Variants in PIK3C2G observed in about 807,000 individuals in gnomAD.
The protein encoded by PIK3C2G is phosphatidylinositol-4-phosphate 3-kinase catalytic subunit type 2 gamma, also known as phosphatidylinositol 3-kinase C2 domain-containing subunit gamma.
PIK3C2G carries 168 observed loss-of-function variants against 181.1 expected under a neutral mutation model. That is an observed-to-expected ratio of 0.93 (90% CI 0.82 to 1.05). The LOEUF is 1.05. PIK3C2G is among the 50% of genes least tolerant of loss of function. The pLI is 0.00. For synonymous variants in PIK3C2G, 573 were observed against 592.2 expected, an observed-to-expected ratio of 0.97 and a Z score of 0.47; for missense variants, 1,869 against 1,732.8, an observed-to-expected ratio of 1.08 and a Z score of -1.40.
chr12:18,570,749 G>A (rs1169228688), intron 29 of PIK3C2G, among the ~76,000 whole-genome samples: 1 of 150,444 alleles, frequency 6.6e-6, no homozygotes, highest in Non-Finnish European at 1.5e-5. Context: ...GTGTGGGTAT[G>A]AGTAGAGTGA....
At chr12:18,563,809 C>T (rs1473802058) in intron 28 of PIK3C2G, among the ~76,000 whole-genome samples, 1 of 151,756 alleles carries the variant, frequency 6.6e-6, no homozygotes, top group African/African-American at 2.4e-5. Context: ...TAATTTAATC[C>T]TCTTAGTTAT....
In PIK3C2G at chr12:18,406,821, T is replaced by C. The variant is rs182767139; in HGVS notation, c.2315+6974T>C. On this transcript the variant is annotated intron_variant, in intron 16 of 32. Transcript: ENST00000538779. ...TAAGTGTGGATACAGAAGAGAAAAA[T>C]GTGGAAATTTCAGTATTCCCTATCG... Among the ~76,000 whole-genome samples, 1,064 of 152,108 alleles carry C rather than the reference T, an allele frequency of 7.0e-3. 6 individuals are homozygous for C. The highest frequency in any genetic ancestry group is 0.019 in the African/African-American group (777 of 41,484).
At chr12:18,490,484 C>A (rs1940459192) in intron 19 of PIK3C2G, among the ~76,000 whole-genome samples, 1 of 152,090 alleles carries the variant, frequency 6.6e-6, no homozygotes, top group Non-Finnish European at 1.5e-5. Flanking sequence ...TACTCTAACA[C>A]TTTTTTTGTA....
chr12:18,603,917 C>T (rs542922011), intron 30 of PIK3C2G, among the ~76,000 whole-genome samples: 6 of 152,186 alleles, frequency 3.9e-5, no homozygotes, highest in Admixed American at 3.9e-4. Flanking sequence ...AAAAGAATCT[C>T]TTTAAAGCAT....
the PIK3C2G span, among the ~76,000 whole-genome samples, chr12:18,661,613 G>C: frequency 6.6e-6 from 1 of 152,088 alleles, no homozygotes; most frequent in Non-Finnish European, 1.5e-5. Context: ...TCTCACACCA[G>C]TCAGAATGGC....
At chr12:18,641,430 A>G (rs1458436409) in intron 32 of PIK3C2G, among the ~76,000 whole-genome samples, 2 of 152,134 alleles carry the variant, frequency 1.3e-5, no homozygotes, top group Non-Finnish European at 2.9e-5. Flanking sequence ...CAGCAGCACT[A>G]CTGACCACAG....
the PIK3C2G span, chr12:18,701,919 T>G: frequency 8.3e-7 from 1 of 1,208,614 alleles, no homozygotes; most frequent in Non-Finnish European, 1.1e-6. Context: ...CATACCCCTA[T>G]TCACATCTCA....
the PIK3C2G span, among the ~76,000 whole-genome samples, chr12:18,718,685 A>T: frequency 6.6e-6 from 1 of 152,150 alleles, no homozygotes; most frequent in Non-Finnish European, 1.5e-5. Context: ...ACCCTAAGTA[A>T]CACCCTCCAC....
chr12:18,320,691 G>C (rs1179668931), intron 6 of PIK3C2G, among the ~76,000 whole-genome samples: 4 of 152,208 alleles, frequency 2.6e-5, no homozygotes, highest in Non-Finnish European at 5.9e-5. Context: ...CTTAGTAGAA[G>C]AATTTAATGT....
chr12:18,627,845 A>G (rs182115543), intron 31 of PIK3C2G, among the ~76,000 whole-genome samples: 23 of 152,322 alleles, frequency 1.5e-4, no homozygotes, highest in African/African-American at 5.3e-4. Context: ...TTTAATCATC[A>G]GTTGATTTCC....
intron 26 of PIK3C2G, among the ~76,000 whole-genome samples, chr12:18,559,779 TA>T (rs1945204482): frequency 5.9e-4 from 21 of 35,826 alleles, no homozygotes; most frequent in Non-Finnish European, 8.3e-4. Context: ...TATGAAATTA[TA>T]TATATATATA....
chr12:18,436,426 C>T (rs4764403), intron 18 of PIK3C2G, among the ~76,000 whole-genome samples: 34,274 of 151,968 alleles, frequency 0.23, 4,084 homozygotes, highest in Admixed American at 0.34. Context: ...GGTCATCTTC[C>T]TCTAAGGTTT....
upstream of PIK3C2G, among the ~76,000 whole-genome samples, chr12:18,243,352 A>G (rs1259647957): frequency 5.9e-5 from 9 of 151,870 alleles, no homozygotes; most frequent in Non-Finnish European, 1.5e-5. Context: ...TTAAAAGAAT[A>G]ATTACTACAG....
At chr12:18,620,966 G>A (rs573747168) in intron 31 of PIK3C2G, among the ~76,000 whole-genome samples, 13 of 152,098 alleles carry the variant, frequency 8.5e-5, no homozygotes, top group African/African-American at 3.1e-4. Flanking sequence ...GGTAGAAAAT[G>A]CTTATATTTT....
intron 18 of PIK3C2G, among the ~76,000 whole-genome samples, chr12:18,446,604 G>C (rs1285836450): frequency 6.6e-6 from 1 of 152,130 alleles, no homozygotes; most frequent in Non-Finnish European, 1.5e-5. Context: ...CAAGTTGTTT[G>C]AATGGTGCAT....
rs200273120 is a variant in PIK3C2G, at chr12:18,338,525, C to T, written c.1372C>T (p.Leu458=). 13 of 1,591,808 alleles carry T rather than the reference C, an allele frequency of 8.2e-6. No homozygotes were observed. The highest frequency in any genetic ancestry group is 1.1e-5 in the Non-Finnish European group (13 of 1,160,328). ...TACAGATGCAGTAAATGAACTAAGT[C>T]TAATTCTTCAGAGAAAAGGAGAGGT... ...QITDAVNELS[L]ILQRKGENFY... The change falls in exon 9 of 33, where the codon CTA becomes TTA. Residue 458 remains leucine, a synonymous_variant. Transcript: ENST00000538779.
intron 25 of PIK3C2G, among the ~76,000 whole-genome samples, chr12:18,540,805 A>C (rs1944111695): frequency 6.6e-6 from 1 of 151,868 alleles, no homozygotes; most frequent in African/African-American, 2.4e-5. Context: ...ATTGAAATAG[A>C]GATCAGAAGC....
At chr12:18,692,841 A>T in the PIK3C2G span, 4 of 1,589,036 alleles carry the variant, frequency 2.5e-6, no homozygotes, top group East Asian at 8.9e-5. Context: ...CAAGGACAAG[A>T]AAAAGAAATA....
At chr12:18,260,884 T>G (rs1263286383), upstream of PIK3C2G, among the ~76,000 whole-genome samples, 1 of 152,030 alleles carries the variant, frequency 6.6e-6, no homozygotes, top group African/African-American at 2.4e-5. Flanking sequence ...AAGAGCAGTA[T>G]ACCAAAACAA....
Sources: gnomAD v4.1 joint callset for allele counts (sites outside exome capture counted in the v4.1 genomes callset) on GRCh38, gnomAD v4.1.1 for gene constraint, MANE v1.5 for transcripts, NCBI Gene and HGNC (gene_info 2026-07-23, HGNC 2026-07-21) for gene names.